The following TMEM178B variants were observed in gnomAD, a reference collection of about 807,000 sequenced individuals.
TMEM178B encodes transmembrane protein 178B.
TMEM178B carries 5 observed loss-of-function variants against 31.0 expected under a neutral mutation model. The observed-to-expected ratio is 0.16, with a 90% confidence interval of 0.08 to 0.34. The LOEUF (loss-of-function observed/expected upper bound fraction) is 0.34, where lower values mean the gene tolerates loss of function less well. Ranked by LOEUF, TMEM178B falls within the 10% of genes least tolerant of loss-of-function variation. The pLI, the probability that TMEM178B is intolerant of heterozygous loss-of-function variation, is 1.00. For missense variants in TMEM178B, 275 were observed against 400.3 expected (o/e 0.69, Z 2.67); for synonymous variants, 164 against 164.0 (o/e 1.00, Z 0.00).
chr7:141,100,501 A>G (rs1302660571), intron 1 of TMEM178B, among the ~76,000 whole-genome samples: 2 of 152,160 alleles, frequency 1.3e-5, no homozygotes, highest in East Asian at 3.9e-4. Context: ...AAACTAGTCA[A>G]TCTCCCAGAT....
At chr7:141,440,067 T>C (rs1269084494) in intron 3 of TMEM178B, among the ~76,000 whole-genome samples, 1 of 152,232 alleles carries the variant, frequency 6.6e-6, no homozygotes, top group Non-Finnish European at 1.5e-5. Context: ...GTAGGGTCAT[T>C]GGGCTATATC....
At chr7:141,105,698 C>G (rs1464600916) in intron 1 of TMEM178B, among the ~76,000 whole-genome samples, 4 of 152,148 alleles carry the variant, frequency 2.6e-5, no homozygotes, top group African/African-American at 7.2e-5. Flanking sequence ...CTAAATAGCT[C>G]TAGAACAAAG....
rs184241061 is a variant in TMEM178B, at chr7:141,472,957, C to T, written c.*2171C>T. 5.3e-5 allele frequency: 8 copies of T among 152,094 alleles called. No individual in the cohort carries two copies. In the East Asian group the frequency reaches 5.8e-4, roughly 11 times the overall value. The allele number at this position is 152,094 out of a possible 1,614,324, so 9.4% of individuals were successfully genotyped here. On this transcript the variant is annotated 3_prime_UTR_variant, in exon 4 of 4. Coordinates refer to ENST00000565468, the MANE Select transcript of TMEM178B (RefSeq NM_001195278.2). ...GGTGCCCTACTCAAGACTTCCTTAC[C>T]GGGGACTCTGGTCAGCTTCTGCAAA...
chr7:141,402,834 G>A (rs1408548417), intron 2 of TMEM178B, among the ~76,000 whole-genome samples: 1 of 152,268 alleles, frequency 6.6e-6, no homozygotes, highest in Non-Finnish European at 1.5e-5. Flanking sequence ...AATCTGCAGA[G>A]GGCTCTGGCT....
chr7:141,252,630 G>T (rs570936175), intron 2 of TMEM178B, among the ~76,000 whole-genome samples: 1 of 152,288 alleles, frequency 6.6e-6, no homozygotes, highest in African/African-American at 2.4e-5. Context: ...TGAAAGCCTT[G>T]TGATACCTGT....
chr7:141,226,047 A>G (rs1370789402), intron 2 of TMEM178B, among the ~76,000 whole-genome samples: 1 of 152,160 alleles, frequency 6.6e-6, no homozygotes, highest in Non-Finnish European at 1.5e-5. Flanking sequence ...CGAGGCTGCT[A>G]AACATGGGTG....
chr7:141,299,847 G>T (rs937781998), intron 2 of TMEM178B, among the ~76,000 whole-genome samples: 1 of 152,098 alleles, frequency 6.6e-6, no homozygotes, highest in Admixed American at 6.5e-5. Flanking sequence ...GTGCAGTGGT[G>T]TGATCTCAGC....
chr7:141,203,630 TG>T (rs1183287711), intron 1 of TMEM178B, among the ~76,000 whole-genome samples: 4 of 152,228 alleles, frequency 2.6e-5, no homozygotes, highest in Non-Finnish European at 5.9e-5. Context: ...CTGAAACTGC[TG>T]CACTCACACT....
intron 1 of TMEM178B, among the ~76,000 whole-genome samples, chr7:141,188,261 T>A (rs1796643722): frequency 1.3e-5 from 2 of 152,196 alleles, no homozygotes; most frequent in South Asian, 2.1e-4. Context: ...GAAGTAGGTA[T>A]GGGTTGAGCA....
chr7:141,174,680 T>G (rs927275619), intron 1 of TMEM178B, among the ~76,000 whole-genome samples: 6 of 152,260 alleles, frequency 3.9e-5, no homozygotes, highest in African/African-American at 1.4e-4. Flanking sequence ...GGTATCTCAT[T>G]GTGGTTTTGA....
chr7:141,378,826 A>G (rs1284298531), intron 2 of TMEM178B, among the ~76,000 whole-genome samples: 2 of 152,236 alleles, frequency 1.3e-5, no homozygotes. Context: ...AGTGAAAGAA[A>G]ACTGCCAGCC....
intron 2 of TMEM178B, 150 bp downstream of exon 2, chr7:141,212,854 A>T: frequency 1.7e-6 from 1 of 600,774 alleles, no homozygotes; most frequent in Non-Finnish European, 2.8e-6. Flanking sequence ...TTGGGTTAGA[A>T]TTGCCTCAGT....
chr7:141,291,252 G>A (rs1352980972), intron 2 of TMEM178B, among the ~76,000 whole-genome samples: 1 of 152,144 alleles, frequency 6.6e-6, no homozygotes, highest in African/African-American at 2.4e-5. Flanking sequence ...ACTTCCGGTT[G>A]TCTCTCCTAT....
chr7:141,183,632 C>T (rs887478788), intron 1 of TMEM178B, among the ~76,000 whole-genome samples: 2 of 152,232 alleles, frequency 1.3e-5, no homozygotes, highest in Admixed American at 6.5e-5. Context: ...TTCTTCTCAT[C>T]TTCCTCCTTT....
intron 1 of TMEM178B, among the ~76,000 whole-genome samples, chr7:141,193,016 A>G (rs925251320): frequency 6.6e-6 from 1 of 152,216 alleles, no homozygotes; most frequent in East Asian, 1.9e-4. Context: ...TTAGCTGCCC[A>G]TGCCCTCTAT....
At chr7:141,199,351 A>G (rs1170036959) in intron 1 of TMEM178B, among the ~76,000 whole-genome samples, 1 of 152,202 alleles carries the variant, frequency 6.6e-6, no homozygotes, top group Non-Finnish European at 1.5e-5. Flanking sequence ...GCAACCTAGT[A>G]GGTACTTTAG....
intron 2 of TMEM178B, among the ~76,000 whole-genome samples, chr7:141,419,112 G>A (rs958540035): frequency 6.6e-6 from 1 of 152,116 alleles, no homozygotes; most frequent in Non-Finnish European, 1.5e-5. Flanking sequence ...ATTTCACCAT[G>A]TTGACCAGGC....
chr7:141,402,112 G>T (rs1380105989), intron 2 of TMEM178B, among the ~76,000 whole-genome samples: 3 of 152,186 alleles, frequency 2.0e-5, no homozygotes, highest in African/African-American at 7.2e-5. Context: ...AGAAGGGTGA[G>T]CAACAGTCCT....
At chr7:141,399,340 G>A (rs1008679788) in intron 2 of TMEM178B, among the ~76,000 whole-genome samples, 2 of 152,190 alleles carry the variant, frequency 1.3e-5, no homozygotes, top group Non-Finnish European at 2.9e-5. Flanking sequence ...TCTATTGCTA[G>A]CGTAAGCACT....
Sources: gnomAD v4.1 joint callset for allele counts (sites outside exome capture counted in the v4.1 genomes callset) on GRCh38, gnomAD v4.1.1 for gene constraint, MANE v1.5 for transcripts, NCBI Gene and HGNC (gene_info 2026-07-23, HGNC 2026-07-21) for gene names.